Variants in CXCL13 observed in about 807,000 individuals in gnomAD.
The protein encoded by CXCL13 is C-X-C motif chemokine ligand 13, also known as C-X-C motif chemokine 13.
CXCL13 carries 7 observed loss-of-function variants against 12.2 expected under a neutral mutation model. That is an observed-to-expected ratio of 0.57 (90% confidence interval 0.33 to 1.07). The LOEUF (loss-of-function observed/expected upper bound fraction) is 1.07, where lower values mean the gene tolerates loss of function less well. Among genes scored for constraint, CXCL13 ranks in the 50% least tolerant of loss-of-function variants. The pLI is 0.04. For synonymous variants in CXCL13, 47 were observed against 42.4 expected (o/e 1.11, Z -0.42); for missense variants, 113 against 127.4 (o/e 0.89, Z 0.55).
intron 1 of CXCL13, among the ~76,000 whole-genome samples, chr4:77,569,150 C>T (rs536808782): frequency 3.7e-4 from 56 of 152,264 alleles, no homozygotes; most frequent in Non-Finnish European, 5.9e-4. Flanking sequence ...AAACCCACAG[C>T]CAACATTATA....
At chr4:77,567,622 G>T (rs1005886578) in intron 1 of CXCL13, among the ~76,000 whole-genome samples, 1 of 152,144 alleles carries the variant, frequency 6.6e-6, no homozygotes, top group Non-Finnish European at 1.5e-5. Flanking sequence ...AGTAAAAAAA[G>T]CTGGCCAAAA....
intron 1 of CXCL13, among the ~76,000 whole-genome samples, chr4:77,568,944 A>C (rs979454169): frequency 6.6e-6 from 1 of 152,148 alleles, no homozygotes; most frequent in Non-Finnish European, 1.5e-5. Context: ...TTTGCAGGGG[A>C]AAATAGCTGG....
At chr4:77,516,018 G>A (rs980603523) in intron 1 of CXCL13, among the ~76,000 whole-genome samples, 1 of 152,224 alleles carries the variant, frequency 6.6e-6, no homozygotes, top group Non-Finnish European at 1.5e-5. Flanking sequence ...TTAGCGTGAA[G>A]TGCTGTTGAA....
intron 1 of CXCL13, among the ~76,000 whole-genome samples, chr4:77,522,436 T>C (rs1402574572): frequency 1.3e-5 from 2 of 151,780 alleles, no homozygotes; most frequent in Non-Finnish European, 2.9e-5. Flanking sequence ...TTATCCATTA[T>C]GTAATGGCCT....
chr4:77,527,734 G>C (rs1724803299), intron 1 of CXCL13, among the ~76,000 whole-genome samples: 1 of 151,894 alleles, frequency 6.6e-6, no homozygotes, highest in African/African-American at 2.4e-5. Context: ...ATTTTGTAAA[G>C]CCACCTTCAA....
intron 1 of CXCL13, among the ~76,000 whole-genome samples, chr4:77,565,710 G>A (rs1725911631): frequency 1.3e-5 from 2 of 152,140 alleles, no homozygotes; most frequent in Admixed American, 1.3e-4. Context: ...CCGTCTAGTA[G>A]TAAAAGGACC....
intron 1 of CXCL13, among the ~76,000 whole-genome samples, chr4:77,525,384 A>G (rs1227047669): frequency 6.6e-6 from 1 of 152,086 alleles, no homozygotes; most frequent in Non-Finnish European, 1.5e-5. Flanking sequence ...GGTTTTCTTG[A>G]TTTTAGGGTG....
intron 1 of CXCL13, among the ~76,000 whole-genome samples, chr4:77,558,188 G>T (rs1473147097): frequency 6.6e-6 from 1 of 152,204 alleles, no homozygotes; most frequent in Non-Finnish European, 1.5e-5. Flanking sequence ...CTTCTAAGAT[G>T]CCTCTGGCTG....
At chr4:77,583,541 C>T (rs1354384601) in intron 1 of CXCL13, among the ~76,000 whole-genome samples, 2 of 152,216 alleles carry the variant, frequency 1.3e-5, no homozygotes, top group Non-Finnish European at 2.9e-5. Flanking sequence ...TTCCTCTTCA[C>T]TTCCTTCTGC....
At chr4:77,592,757 T>C (rs1317962556) in intron 1 of CXCL13, among the ~76,000 whole-genome samples, 13 of 152,174 alleles carry the variant, frequency 8.5e-5, no homozygotes, top group Admixed American at 8.5e-4. Flanking sequence ...AGACATAGAC[T>C]TTCATCACTC....
At chr4:77,516,129 G>A (rs183055684) in intron 1 of CXCL13, among the ~76,000 whole-genome samples, 7 of 152,036 alleles carry the variant, frequency 4.6e-5, no homozygotes, top group Admixed American at 2.0e-4. Context: ...TGCATATATC[G>A]AACCAGACTT....
At chr4:77,610,923 A>G in intron 3 of CXCL13, 65 bp from the exon 4 acceptor site, 1 of 1,443,250 alleles carries the variant, frequency 6.9e-7, no homozygotes, top group Non-Finnish European at 9.7e-7. Context: ...GTATCTCCAG[A>G]GGAAAGCCAC....
intron 1 of CXCL13, among the ~76,000 whole-genome samples, chr4:77,576,258 C>G (rs1036204029): frequency 1.3e-5 from 2 of 151,992 alleles, no homozygotes; most frequent in Non-Finnish European, 2.9e-5. Flanking sequence ...ATGTTTTTTG[C>G]TTTTGCTTGG....
At chr4:77,582,894 T>C (rs1376121200) in intron 1 of CXCL13, among the ~76,000 whole-genome samples, 1 of 152,142 alleles carries the variant, frequency 6.6e-6, no homozygotes, top group Non-Finnish European at 1.5e-5. Flanking sequence ...ATGTGGACTT[T>C]TGGAACACCA....
At chr4:77,597,930 C>T (rs1162991005) in intron 1 of CXCL13, among the ~76,000 whole-genome samples, 1 of 152,216 alleles carries the variant, frequency 6.6e-6, no homozygotes, top group Non-Finnish European at 1.5e-5. Context: ...TCCCTGCCCT[C>T]TCATTTCTCT....
chr4:77,563,884 T>G (rs1725868964), intron 1 of CXCL13, among the ~76,000 whole-genome samples: 2 of 152,174 alleles, frequency 1.3e-5, no homozygotes. Flanking sequence ...TGTATAAAAG[T>G]GAGGGAAAAC....
rs538368329 is a variant in CXCL13, at chr4:77,513,039, T to C, written c.-43+1251T>C. 2.0e-5 allele frequency among the ~76,000 whole-genome samples: 3 copies of C among 152,316 alleles called. No individual in the cohort carries two copies. In the East Asian group the frequency reaches 5.8e-4, roughly 29 times the overall value. Reference sequence around the variant, plus strand: ...TGAGAACATGTGGTGTTTGGTTTTCTGTCCTCGTGATAGTTTGCTGAGAAT... The same window carrying C: ...TGAGAACATGTGGTGTTTGGTTTTCCGTCCTCGTGATAGTTTGCTGAGAAT... On this transcript the variant is annotated intron_variant, in intron 1 of 4. Transcript: ENST00000286758.
At position 77,607,771 on chromosome 4, in the gene CXCL13, A is replaced by G; in HGVS notation, c.133A>G (p.Arg45Gly). Residue 45 changes from arginine to glycine, a missense_variant, in exon 2 of 4, where the codon AGA (arginine) becomes GGA (glycine). Coordinates refer to ENST00000682537, the MANE Select transcript of CXCL13 (RefSeq NM_001371558.1). The part of the protein sequence containing the change: ...CVQESSVFIP[R>G]RFIDRIQILP... ...CCAAGAGAGCTCAGTCTTTATCCCTAGACGCTTCATTGATCGAATTCAAAT... is the reference window on the plus strand; with the variant it reads ...CCAAGAGAGCTCAGTCTTTATCCCTGGACGCTTCATTGATCGAATTCAAAT... 6 of 1,614,040 alleles carry G rather than the reference A, an allele frequency of 3.7e-6. No individual in the cohort carries two copies. Among genetic ancestry groups the G allele is most frequent in the Non-Finnish European group, 5.1e-6 (6 of 1,179,916 alleles).
chr4:77,530,216 G>A (rs935364070), intron 1 of CXCL13, among the ~76,000 whole-genome samples: 5 of 152,118 alleles, frequency 3.3e-5, no homozygotes, highest in South Asian at 2.1e-4. Context: ...ATGTTCATCA[G>A]GGATATTGGT....
Sources: allele counts gnomAD v4.1 joint callset (sites outside exome capture counted in the v4.1 genomes callset), GRCh38; gene constraint gnomAD v4.1.1; transcripts MANE v1.5; gene names NCBI Gene and HGNC (gene_info 2026-07-23, HGNC 2026-07-21).